CD226: variants seen among roughly 807,000 people sequenced by gnomAD.
CD226 encodes the protein CD226 molecule.
A neutral mutation model predicts 34.9 loss-of-function variants in CD226; 24 were observed. The ratio of observed to expected loss-of-function variants is 0.69; its 90% CI spans 0.50 to 0.97. The LOEUF (loss-of-function observed/expected upper bound fraction) is 0.97. Among genes scored for constraint, CD226 ranks in the 50% least tolerant of loss-of-function variants. The probability of loss-of-function intolerance (pLI) is 0.00; values close to 1 mark genes in which losing one functional copy is unlikely to be tolerated. For missense variants in CD226, 397 were observed against 412.7 expected (o/e 0.96, Z 0.33); for synonymous variants, 148 against 147.4 (o/e 1.00, Z -0.03).
At chr18:69,930,444 C>G (rs751036852) in intron 2 of CD226, among the ~76,000 whole-genome samples, 1 of 152,072 alleles carries the variant, frequency 6.6e-6, no homozygotes. Flanking sequence ...CAGGGACCAC[C>G]GGAAAAATCC....
chr18:69,911,111 C>T (rs1357110146), intron 2 of CD226, among the ~76,000 whole-genome samples: 2 of 152,218 alleles, frequency 1.3e-5, no homozygotes, highest in Non-Finnish European at 2.9e-5. Context: ...AATGGTCCAA[C>T]ATTTTGCTAG....
chr18:69,942,647 C>T (rs1431100421), intron 2 of CD226, among the ~76,000 whole-genome samples: 1 of 152,152 alleles, frequency 6.6e-6, no homozygotes, highest in Non-Finnish European at 1.5e-5. Context: ...TAAGCTGAGC[C>T]CCTTTGCTGG....
At chr18:69,914,419 T>G (rs1246307190) in intron 2 of CD226, among the ~76,000 whole-genome samples, 1 of 152,196 alleles carries the variant, frequency 6.6e-6, no homozygotes, top group East Asian at 1.9e-4. Flanking sequence ...AAGAGGAGAA[T>G]ATTTATTTTC....
chr18:69,961,015 G>T (rs919256498), upstream of CD226, among the ~76,000 whole-genome samples: 1 of 152,144 alleles, frequency 6.6e-6, no homozygotes, highest in African/African-American at 2.4e-5. Context: ...TAAAATGTAG[G>T]ATTTGTAGGT....
Position 69,861,554 on chromosome 18 carries a change from G to GTATGTATATATATATA in CD226, c.*2759_*2760insTATATATATATACATA, listed in dbSNP as rs1555675806. The GTATGTATATATATATA allele has an allele frequency of 3.1e-5, 4 of 127,948 alleles. No individual in the cohort carries two copies. Among genetic ancestry groups the GTATGTATATATATATA allele is most frequent in the East Asian group, 4.7e-4 (2 of 4,218 alleles). 7.9% of individuals were successfully genotyped at this position (127,948 alleles called of 1,614,324 possible). On this transcript the variant is annotated 3_prime_UTR_variant, in exon 6 of 6. Transcript: ENST00000582621. ...ATAAATTATATGTGTATATATATAT[G>GTATGTATATATATATA]TATATATATATATATATATGTAAAA... is the stretch of plus-strand genomic sequence containing the variant.
intron 3 of CD226, among the ~76,000 whole-genome samples, chr18:69,875,860 GT>G (rs1382198847): frequency 3.3e-5 from 5 of 152,198 alleles, no homozygotes; most frequent in Non-Finnish European, 7.3e-5. Flanking sequence ...ATCTAAAAAA[GT>G]CAAACTTATA....
chr18:69,879,520 G>A (rs1334715407), intron 3 of CD226, among the ~76,000 whole-genome samples: 2 of 150,094 alleles, frequency 1.3e-5, no homozygotes, highest in Non-Finnish European at 3.0e-5. Flanking sequence ...CCTACAGGCA[G>A]CCAGACTTTA....
At chr18:69,949,477 G>C (rs112890543), upstream of CD226, among the ~76,000 whole-genome samples, 1,029 of 152,226 alleles carry the variant, frequency 6.8e-3, 4 homozygotes, top group Middle Eastern at 0.01. Flanking sequence ...AACTACAAAT[G>C]CCGGGCTAAA....
intron 1 of CD226, 134 bp from the exon 2 acceptor site, chr18:69,947,203 G>A (rs1008865218): frequency 2.6e-5 from 24 of 918,986 alleles, no homozygotes; most frequent in Non-Finnish European, 3.5e-5. Flanking sequence ...CTAAAAAGGC[G>A]TCCTGCTGAT....
chr18:69,869,221 C>T (rs564892213), intron 4 of CD226, among the ~76,000 whole-genome samples: 17 of 152,260 alleles, frequency 1.1e-4, no homozygotes, highest in African/African-American at 3.9e-4. Flanking sequence ...CATTGCAGCA[C>T]TATTCATGAT....
intron 2 of CD226, among the ~76,000 whole-genome samples, chr18:69,945,345 C>T (rs1411686987): frequency 2.0e-5 from 3 of 152,176 alleles, no homozygotes; most frequent in Non-Finnish European, 4.4e-5. Context: ...AGGGATCGAG[C>T]AACTAACACC....
chr18:69,892,583 A>AGC (rs1331988893), intron 3 of CD226, among the ~76,000 whole-genome samples: 1 of 152,236 alleles, frequency 6.6e-6, no homozygotes, highest in Non-Finnish European at 1.5e-5. Flanking sequence ...AAAGAAAGTC[A>AGC]GTGGTAAATG....
chr18:69,884,091 C>T (rs937189583), intron 3 of CD226, among the ~76,000 whole-genome samples: 8 of 152,206 alleles, frequency 5.3e-5, no homozygotes, highest in African/African-American at 1.7e-4. Flanking sequence ...TTGTTGAAAG[C>T]CTCCAAAAAT....
chr18:69,864,287 A>G lies in CD226; in HGVS notation c.*27T>C. On this transcript the variant is annotated 3_prime_UTR_variant, in exon 6 of 6. Coordinates refer to ENST00000582621, the MANE Select transcript of CD226 (RefSeq NM_001303618.2). ...CATGCATGAGTACATAAGAGTCATT[A>G]CTAATGCACTCATGTCAAGAATAAG... 3.7e-6 allele frequency: 6 copies of G among 1,610,618 alleles called. No homozygotes were observed. The highest frequency in any genetic ancestry group is 5.1e-6 in the Non-Finnish European group (6 of 1,177,128).
At chr18:69,936,795 T>TA (rs1336127800) in intron 2 of CD226, among the ~76,000 whole-genome samples, 1 of 152,188 alleles carries the variant, frequency 6.6e-6, no homozygotes, top group Non-Finnish European at 1.5e-5. Flanking sequence ...TTAAAAGTGA[T>TA]AGAGATACAT....
chr18:69,895,174 T>C (rs1437228591), intron 3 of CD226, among the ~76,000 whole-genome samples: 1 of 152,188 alleles, frequency 6.6e-6, no homozygotes, highest in Non-Finnish European at 1.5e-5. Flanking sequence ...CATCAGTCTG[T>C]TTCTGCATCC....
At position 69,861,563 on chromosome 18, in the gene CD226, T is replaced by TATATATATATATATAC. The variant is rs1199000201; in HGVS notation, c.*2750_*2751insGTATATATATATATAT. The TATATATATATATATAC allele has an allele frequency of 5.5e-5, 8 of 145,784 alleles. 1 individual carries two copies. The highest frequency in any genetic ancestry group is 1.4e-4 in the Admixed American group (2 of 14,488). The allele number at this position is 145,784 out of a possible 1,614,324, so 9.0% of individuals were successfully genotyped here. On this transcript the variant is annotated 3_prime_UTR_variant, in exon 6 of 6. Transcript: ENST00000582621. ...ATGTGTATATATATATGTATATATA[T>TATATATATATATATAC]ATATATATATGTAAAACTTAAGAAG...
intron 3 of CD226, among the ~76,000 whole-genome samples, chr18:69,883,288 TA>T (rs959696795): frequency 2.0e-5 from 3 of 151,698 alleles, no homozygotes; most frequent in East Asian, 1.9e-4. Flanking sequence ...TTTATAACAA[TA>T]AAAAAAACCT....
At chr18:69,888,843 T>C (rs1390922373) in intron 3 of CD226, among the ~76,000 whole-genome samples, 6 of 152,206 alleles carry the variant, frequency 3.9e-5, no homozygotes, top group Admixed American at 3.3e-4. Flanking sequence ...AAATTCAGCA[T>C]GTAACCTTTT....
Sources: gnomAD v4.1 joint callset for allele counts (sites outside exome capture counted in the v4.1 genomes callset) on GRCh38, gnomAD v4.1.1 for gene constraint, MANE v1.5 for transcripts, NCBI Gene and HGNC (gene_info 2026-07-23, HGNC 2026-07-21) for gene names.